LYSMD2: variants seen among roughly 807,000 people sequenced by gnomAD.
LYSMD2 encodes lysM and putative peptidoglycan-binding domain-containing protein 2.
A neutral mutation model predicts 17.7 loss-of-function variants in LYSMD2; 6 were observed. That is an observed-to-expected ratio of 0.34 (90% CI 0.19 to 0.67). The LOEUF is 0.67. Ranked by LOEUF, LYSMD2 falls within the 30% of genes least tolerant of loss-of-function variation. The probability of loss-of-function intolerance (pLI) is 0.69; values close to 1 mark genes in which losing one functional copy is unlikely to be tolerated. For missense variants in LYSMD2, 237 were observed against 286.7 expected (o/e 0.83, Z 1.25); for synonymous variants, 102 against 129.8 (o/e 0.79, Z 1.45).
Position 51,728,156 on chromosome 15 carries a change from G to A in LYSMD2, c.274-3035C>T, listed in dbSNP as rs545344892. Among the ~76,000 whole-genome samples the A allele has an allele frequency of 1.8e-4, 28 of 152,262 alleles. No homozygotes were observed. In the South Asian group the frequency reaches 3.1e-3, roughly 17 times the overall value. ...ATTTAGAACAACATATGGGCTGGGCGCAGTGGCTCATGCCTGTAATCCCAG... is the reference window on the plus strand; with the variant it reads ...ATTTAGAACAACATATGGGCTGGGCACAGTGGCTCATGCCTGTAATCCCAG... On this transcript the variant is annotated intron_variant, in intron 1 of 2. Coordinates refer to ENST00000267838, the MANE Select transcript of LYSMD2 (RefSeq NM_153374.3).
upstream of LYSMD2, among the ~76,000 whole-genome samples, chr15:51,740,459 C>G (rs969282780): frequency 1.3e-5 from 2 of 152,146 alleles, no homozygotes; most frequent in African/African-American, 2.4e-5. Flanking sequence ...GAAAAGGAAG[C>G]CTATTACTGC....
At chr15:51,733,514 G>A (rs1422382790) in intron 1 of LYSMD2, among the ~76,000 whole-genome samples, 1 of 151,888 alleles carries the variant, frequency 6.6e-6, no homozygotes, top group Non-Finnish European at 1.5e-5. Context: ...GGGGACTAGG[G>A]AGAAAGGCTA....
chr15:51,730,265 T>A (rs1172494896), intron 1 of LYSMD2, among the ~76,000 whole-genome samples: 1 of 152,166 alleles, frequency 6.6e-6, no homozygotes, highest in African/African-American at 2.4e-5. Context: ...CCCAAAACTT[T>A]GGGAGGCCAA....
intron 2 of LYSMD2, among the ~76,000 whole-genome samples, chr15:51,724,409 T>C (rs1595846842): frequency 6.6e-6 from 1 of 152,198 alleles, no homozygotes; most frequent in Admixed American, 6.5e-5. Context: ...GAGACACTTT[T>C]ATTTTGCCGC....
chr15:51,734,221 T>C (rs755180736), intron 1 of LYSMD2, among the ~76,000 whole-genome samples: 2 of 152,110 alleles, frequency 1.3e-5, no homozygotes, highest in Non-Finnish European at 2.9e-5. Context: ...CAGAGACTCC[T>C]AGACTCCTTT....
At chr15:51,739,960 G>A (rs997594873), upstream of LYSMD2, among the ~76,000 whole-genome samples, 1 of 151,946 alleles carries the variant, frequency 6.6e-6, no homozygotes, top group Non-Finnish European at 1.5e-5. Flanking sequence ...GGTTTTCTTT[G>A]TTTGTTTGTT....
chr15:51,724,780 G>T lies in LYSMD2; in HGVS notation c.605+10C>A, dbSNP rs376994349. 1.1e-5 allele frequency: 18 copies of T among 1,596,666 alleles called. No individual in the cohort carries two copies. The African/African-American group carries it at 2.0e-4, about 18-fold the overall frequency. ...TTTAGACTTTGACATTTGTACCAGG[G>T]TATTCTTACCTGCTCTCTTCTTTTA... is the stretch of plus-strand genomic sequence containing the variant. On this transcript the variant is annotated intron_variant, in intron 2 of 2. Transcript: ENST00000267838.
At chr15:51,746,577 C>A (rs945627264) in intron 1 of LYSMD2, among the ~76,000 whole-genome samples, 3 of 152,098 alleles carry the variant, frequency 2.0e-5, no homozygotes, top group African/African-American at 7.2e-5. Flanking sequence ...AACCATTGAA[C>A]TGTGCATTTT....
rs1478421350 is a variant in LYSMD2 at position 51,724,940 on chromosome 15, G to A, written c.455C>T (p.Ala152Val). 2 of 1,614,102 alleles carry A rather than the reference G, an allele frequency of 1.2e-6. No homozygotes were observed. Among genetic ancestry groups the A allele is most frequent in the Non-Finnish European group, 1.7e-6 (2 of 1,179,982 alleles). The change falls in exon 2 of 3, where the codon GCC becomes GTC. Residue 152 changes from alanine (A) to valine (V), a missense_variant. Physicochemically the swap from Ala to Val is moderately conservative, Grantham distance 64 (BLOSUM62 0). Coordinates refer to ENST00000267838, the MANE Select transcript of LYSMD2 (RefSeq NM_153374.3). ...ACTGGGAGGAGGGAGGTCTTCCCCG[G>A]CCACCACTGGCTCCTCTTCCTGAGA... ...SFSQEEEPVV[A>V]GEDLPPPSPQ...
At position 51,730,015 on chromosome 15, in the gene LYSMD2, T is replaced by G. The variant is rs58336353; in HGVS notation, c.274-4894A>C. 1.5e-3 allele frequency among the ~76,000 whole-genome samples: 234 copies of G among 152,346 alleles called. 1 individual carries two copies. Among genetic ancestry groups the G allele is most frequent in the African/African-American group, 5.4e-3 (223 of 41,572 alleles). ...GATGAATGGGAGTGGGGAGGTACACTGATCAAATGCTTTCATTTCAAAAGT... is the reference window on the plus strand; with the variant it reads ...GATGAATGGGAGTGGGGAGGTACACGGATCAAATGCTTTCATTTCAAAAGT... On this transcript the variant is annotated intron_variant, in intron 1 of 2. Transcript: ENST00000267838.
upstream of LYSMD2, among the ~76,000 whole-genome samples, chr15:51,741,231 A>T (rs1053742835): frequency 2.0e-5 from 3 of 152,268 alleles, no homozygotes; most frequent in Non-Finnish European, 4.4e-5. Context: ...AGGTTCACAT[A>T]TATTGGATAA....
chr15:51,745,347 C>G (rs1400042885), intron 1 of LYSMD2, among the ~76,000 whole-genome samples: 1 of 151,958 alleles, frequency 6.6e-6, no homozygotes, highest in African/African-American at 2.4e-5. Context: ...CACAAAAATT[C>G]TCAACAAAAT....
chr15:51,726,343 T>A (rs1323057292), intron 1 of LYSMD2, among the ~76,000 whole-genome samples: 1 of 152,208 alleles, frequency 6.6e-6, no homozygotes, highest in African/African-American at 2.4e-5. Flanking sequence ...CAGGTTCAGG[T>A]ATACCTATTG....
rs899446729 is a variant in LYSMD2 at position 51,730,945 on chromosome 15, T to C, written c.274-5824A>G. Among the ~76,000 whole-genome samples, 4 of 152,216 alleles carry C rather than the reference T, an allele frequency of 2.6e-5. No homozygotes were observed. In the East Asian group the frequency reaches 7.7e-4, roughly 29 times the overall value. On this transcript the variant is annotated intron_variant, in intron 1 of 2. Coordinates refer to ENST00000267838, the MANE Select transcript of LYSMD2 (RefSeq NM_153374.3). Reference sequence around the variant, plus strand: ...GAGACCAGACCCCTCCATTGCTATGTGTTCATGAGAAAAAGGCTTTTTTTC... The same window carrying C: ...GAGACCAGACCCCTCCATTGCTATGCGTTCATGAGAAAAAGGCTTTTTTTC...
Position 51,727,737 on chromosome 15 carries a change from C to A in LYSMD2, c.274-2616G>T, listed in dbSNP as rs185381699. Among the ~76,000 whole-genome samples, 237 of 152,312 alleles carry A rather than the reference C, an allele frequency of 1.6e-3. 1 individual carries two copies. The highest frequency in any genetic ancestry group is 4.6e-3 in the Admixed American group (71 of 15,302). On this transcript the variant is annotated intron_variant, in intron 1 of 2. Coordinates refer to ENST00000267838, the MANE Select transcript of LYSMD2 (RefSeq NM_153374.3). ...CCTGGCTTCTGTACATACTGCTGCA[C>A]AAGTGACTCACTATAACTGGTCCAC...
At chr15:51,738,175 G>C (rs1017611714), upstream of LYSMD2, 1 of 118,900 alleles carries the variant, frequency 8.4e-6, no homozygotes, top group African/African-American at 3.4e-5. Context: ...CCACGTCACA[G>C]TAAAACTTAA....
chr15:51,750,925 G>T (rs2055696331), intron 1 of LYSMD2, among the ~76,000 whole-genome samples: 1 of 152,128 alleles, frequency 6.6e-6, no homozygotes, highest in African/African-American at 2.4e-5. Context: ...GGACTTTCCC[G>T]GCCCAAGAAC....
At chr15:51,737,700 T>G, upstream of LYSMD2, 6 of 1,035,054 alleles carry the variant, frequency 5.8e-6, no homozygotes, top group Non-Finnish European at 7.3e-6. This position sits in a 1 kb window ranked among gnomAD's most constrained non-coding sequence, Gnocchi z 4.2. Flanking sequence ...CGCCGCCGCC[T>G]CTTCCTCTTC....
chr15:51,729,312 A>G (rs2055561311), intron 1 of LYSMD2, among the ~76,000 whole-genome samples: 1 of 152,262 alleles, frequency 6.6e-6, no homozygotes, highest in South Asian at 2.1e-4. Flanking sequence ...GAGTGACATG[A>G]TCTGATCACA....
Sources: gnomAD v4.1 joint callset for allele counts (sites outside exome capture counted in the v4.1 genomes callset) on GRCh38, gnomAD v4.1.1 for gene constraint, Gnocchi (gnomAD v3.1) non-coding constraint, MANE v1.5 for transcripts, NCBI Gene and HGNC (gene_info 2026-07-23, HGNC 2026-07-21) for gene names.